Variants in COL5A3 observed in about 807,000 individuals in gnomAD.
COL5A3 encodes the protein collagen alpha-3(V) chain.
Under a neutral mutation model 250.0 loss-of-function variants are expected in COL5A3, and 172 were observed. The observed-to-expected ratio is 0.69, with a 90% CI of 0.61 to 0.78. The LOEUF is 0.78. Ranked by LOEUF, COL5A3 falls within the 30% of genes least tolerant of loss-of-function variation. The pLI, the probability that COL5A3 is intolerant of heterozygous loss-of-function variation, is 0.00. For synonymous variants in COL5A3, 937 were observed against 900.4 expected, an observed-to-expected ratio of 1.04 and a Z score of -0.73; for missense variants, 2,340 against 2,334.4, an observed-to-expected ratio of 1.00 and a Z score of -0.05.
At chr19:9,992,915 C>T in intron 20 of COL5A3, 35 bp from the exon 21 acceptor site, 7 of 1,611,076 alleles carry the variant, frequency 4.3e-6, no homozygotes, top group Non-Finnish European at 5.9e-6. Flanking sequence ...TCCACATCAC[C>T]TCTGTGTGGC....
chr19:9,986,390 C>T lies in COL5A3; in HGVS notation c.2277G>A (p.Glu759=), dbSNP rs1266213201. Residue 759 remains glutamate, a synonymous_variant, in exon 30 of 67, where the codon GAG becomes GAA. Transcript: ENST00000264828. ...GKPGAPGPRG[E]DGPEGPKGQA... ...GCCCCTTCGGCCCCTCAGGACCATC[C>T]TCTCCCCGGGGACCTGGAGCTCCGG... The T allele has an allele frequency of 6.2e-6, 10 of 1,611,602 alleles. No homozygotes were observed. The highest frequency in any genetic ancestry group is 8.5e-6 in the Non-Finnish European group (10 of 1,179,910).
At chr19:9,991,731 G>A in intron 23 of COL5A3, 57 bp downstream of exon 23, 1 of 1,598,476 alleles carries the variant, frequency 6.3e-7, no homozygotes. Flanking sequence ...CCTGGTCACG[G>A]TCTAAGGTCT....
intron 64 of COL5A3, among the ~76,000 whole-genome samples, chr19:9,965,318 C>T (rs375111650): frequency 1.3e-5 from 2 of 151,674 alleles, no homozygotes; most frequent in East Asian, 1.9e-4. Context: ...CCATGCCTGG[C>T]TAATTTTTTG....
Position 10,004,045 on chromosome 19 carries a change from G to A in COL5A3, c.695C>T (p.Thr232Ile), listed in dbSNP as rs762432555. The change falls in exon 5 of 67, where the codon ACA becomes ATA. Residue 232 changes from threonine (T) to isoleucine (I), a missense_variant. By Grantham distance (89) the Thr-to-Ile change is moderately conservative. Transcript: ENST00000264828. ...GTCATGGAGTCCCTCACTCACCACT[G>A]TGGCTGCCGGTGCCAGGTTGTCACA... ...PDCDNLAPAATVAPQGEPETP... is the reference protein window; with the variant it reads ...PDCDNLAPAAIVAPQGEPETP... The A allele has an allele frequency of 4.3e-6, 7 of 1,612,808 alleles. No homozygotes were observed. Among genetic ancestry groups the A allele is most frequent in the Non-Finnish European group, 5.9e-6 (7 of 1,178,828 alleles).
intron 23 of COL5A3, 38 bp downstream of exon 23, chr19:9,991,750 C>A (rs1422300531): frequency 6.3e-7 from 1 of 1,596,146 alleles, no homozygotes; most frequent in Non-Finnish European, 8.5e-7. Context: ...CTTAACTGAC[C>A]ACTCCCATGC....
chr19:10,003,472 G>T, intron 6 of COL5A3, 93 bp downstream of exon 6: 1 of 1,251,968 alleles, frequency 8.0e-7, no homozygotes, highest in Non-Finnish European at 1.2e-6. Flanking sequence ...AGAGATGGGA[G>T]ACTAGAAGTC....
At chr19:9,961,559 AT>A (rs61153479) in intron 65 of COL5A3, among the ~76,000 whole-genome samples, 207 of 126,190 alleles carry the variant, frequency 1.6e-3, no homozygotes, top group South Asian at 5.0e-3. Context: ...ACTTCATTTA[AT>A]TTTTTTTTTT....
At chr19:9,964,648 T>C (rs1011364938) in intron 64 of COL5A3, among the ~76,000 whole-genome samples, 2 of 151,700 alleles carry the variant, frequency 1.3e-5, no homozygotes, top group Admixed American at 1.3e-4. Flanking sequence ...TATTTCACAC[T>C]TATACCGGCC....
rs562273671 is a variant in COL5A3 at position 9,981,812 on chromosome 19, G to A, written c.2460+253C>T. ...ACCCAGGCACAGGCCTGCAGGCTGC[G>A]GCATTCAAACCCTGTCTCATCGATA... is the stretch of plus-strand genomic sequence containing the variant. On this transcript the variant is annotated intron_variant, in intron 32 of 66. Coordinates refer to ENST00000264828, the MANE Select transcript of COL5A3 (RefSeq NM_015719.4). 1.3e-4 allele frequency among the ~76,000 whole-genome samples: 20 copies of A among 152,268 alleles called. No homozygotes were observed. In the East Asian group the frequency reaches 2.9e-3, roughly 22 times the overall value.
chr19:9,980,547 C>T lies in COL5A3; in HGVS notation c.2604+101G>A, dbSNP rs142447826. ...CAATTAAGCTGTGCTCTTACCACTG[C>T]ATTATAATGTCTCTTCATCTCTTGG... On this transcript the variant is annotated intron_variant, in intron 35 of 66. Transcript: ENST00000264828. 6,197 of 1,498,070 alleles carry T rather than the reference C, an allele frequency of 4.1e-3. 24 individuals are homozygous for T. Among genetic ancestry groups the T allele is most frequent in the South Asian group, 5.2e-3 (418 of 80,104 alleles). The allele number at this position is 1,498,070 out of a possible 1,614,324, so 92.8% of individuals were successfully genotyped here. A position where few individuals can be genotyped will look rare whatever the true frequency, so the allele number is the denominator to read the frequency against.
chr19:9,988,181 C>A (rs1277154269), intron 27 of COL5A3, among the ~76,000 whole-genome samples: 1 of 152,100 alleles, frequency 6.6e-6, no homozygotes, highest in Non-Finnish European at 1.5e-5. Flanking sequence ...TTGCGGTGAG[C>A]CCAGGTGGCA....
Position 9,986,321 on chromosome 19 carries a change from C to T in COL5A3, c.2346G>A (p.Gly782=). The T allele has an allele frequency of 6.4e-7, 1 of 1,566,344 alleles. No individual in the cohort carries two copies. Reference sequence around the variant, plus strand: ...AGGGTGGAGAGTCATTTACCTTCTCCCCAGCTGAGCCTGGGGGCCCCTCCT... The same window carrying T: ...AGGGTGGAGAGTCATTTACCTTCTCTCCAGCTGAGCCTGGGGGCCCCTCCT... ...AGEEGPPGSA[G]EKGKLGVPGL... Residue 782 remains glycine, a synonymous_variant, in exon 30 of 67, where the codon GGG becomes GGA. Transcript: ENST00000264828.
At chr19:9,995,488 A>G (rs1414184980) in intron 16 of COL5A3, 76 bp downstream of exon 16, 17 of 1,345,856 alleles carry the variant, frequency 1.3e-5, no homozygotes, top group Admixed American at 2.2e-5. Flanking sequence ...GCAGACCCCA[A>G]GGTCACAAAG....
intron 37 of COL5A3, 79 bp from the exon 38 acceptor site, chr19:9,979,496 G>C (rs1025301324): frequency 3.4e-6 from 5 of 1,482,000 alleles, no homozygotes; most frequent in Admixed American, 1.7e-5. Context: ...AGGCCTGATA[G>C]GATCAGGAAT....
In COL5A3 at chr19:9,962,978, G is replaced by T. The variant is rs181142572; in HGVS notation, c.4783-91C>A. The T allele has an allele frequency of 3.2e-3, 3,024 of 950,150 alleles. 44 individuals are homozygous for T. In the African/African-American group the frequency reaches 0.044, roughly 14 times the overall value. The allele number at this position is 950,150 out of a possible 1,614,324, so 58.9% of individuals were successfully genotyped here. A position where few individuals can be genotyped will look rare whatever the true frequency, so the allele number is the denominator to read the frequency against. ...TTCCCTCCTCACACAGTAGGCTGTT[G>T]TGACTATGTCAGGATGTTCTCTGGC... On this transcript the variant is annotated intron_variant, in intron 64 of 66. Transcript: ENST00000264828.
intron 16 of COL5A3, 105 bp from the exon 17 acceptor site, chr19:9,993,911 A>G: frequency 1.0e-6 from 1 of 1,002,882 alleles, no homozygotes; most frequent in South Asian, 1.5e-5. Context: ...TTTTTTTGAC[A>G]GGGTCTCCTT....
In COL5A3 at chr19:9,978,940, G is replaced by A; in HGVS notation, c.2915C>T (p.Pro972Leu). The A allele has an allele frequency of 6.5e-7, 1 of 1,530,166 alleles. No homozygotes were observed. The highest frequency in any genetic ancestry group is 8.8e-7 in the Non-Finnish European group (1 of 1,142,128). The allele number at this position is 1,530,166 out of a possible 1,614,324, so 94.8% of individuals were successfully genotyped here. The change falls in exon 40 of 67, where the codon CCA becomes CTA. Residue 972 changes from proline (P) to leucine (L), a missense_variant. Pro to Leu is a moderately conservative substitution (Grantham distance 98). Transcript: ENST00000264828. ...GCCGGGAAAGCCCCTGAGTCCAGCT[G>A]GCCCTTCTTTCCCAAGGGGTCCTGG... Reference protein sequence around the residue: ...GPPGPLGKEGPAGLRGFPGPK... With the variant: ...GPPGPLGKEGLAGLRGFPGPK...
chr19:10,009,680 G>A lies in COL5A3; in HGVS notation c.88+618C>T, dbSNP rs1177079078. 2.0e-5 allele frequency among the ~76,000 whole-genome samples: 3 copies of A among 152,060 alleles called. No homozygotes were observed. Among genetic ancestry groups the A allele is most frequent in the Non-Finnish European group, 4.4e-5 (3 of 68,016 alleles). On this transcript the variant is annotated intron_variant, in intron 1 of 66. Transcript: ENST00000264828. This position sits in a 1 kb window ranked among gnomAD's most constrained non-coding sequence, Gnocchi z 4.4. ...GCCAATTTGGGGCAGAGGAGGAAAA[G>A]GGAGAATGAGGTGAAGCCATTTAAA...
intron 6 of COL5A3, 105 bp from the exon 7 acceptor site, chr19:10,001,986 A>G: frequency 1.3e-6 from 1 of 754,940 alleles, no homozygotes; most frequent in Non-Finnish European, 2.2e-6. Context: ...GGGGACAGGG[A>G]CAGAGGAGGC....
Sources: allele counts gnomAD v4.1 joint callset (sites outside exome capture counted in the v4.1 genomes callset), GRCh38; gene constraint gnomAD v4.1.1; non-coding constraint Gnocchi (gnomAD v3.1); transcripts MANE v1.5; gene names NCBI Gene and HGNC (gene_info 2026-07-23, HGNC 2026-07-21).